DNAH12: variants seen among roughly 807,000 people sequenced by gnomAD.
DNAH12 encodes axonemal beta dynein heavy chain 12.
A neutral mutation model predicts 371.5 loss-of-function variants in DNAH12; 285 were observed. That is an observed-to-expected ratio of 0.77 (90% CI 0.70 to 0.85). DNAH12 has a LOEUF of 0.85. Ranked by LOEUF, DNAH12 falls within the 40% of genes least tolerant of loss-of-function variation. The pLI, the probability that DNAH12 is intolerant of heterozygous loss-of-function variation, is 0.00. For synonymous variants in DNAH12, 1,200 were observed against 1,213.0 expected (o/e 0.99, Z 0.22); for missense variants, 3,611 against 3,689.4 (o/e 0.98, Z 0.55).
chr3:57,518,673 A>G (rs1363800384), intron 4 of DNAH12, among the ~76,000 whole-genome samples: 2 of 152,210 alleles, frequency 1.3e-5, no homozygotes, highest in African/African-American at 4.8e-5. Context: ...AACTAAGCAT[A>G]TGGGAGGGAG....
At chr3:57,308,072 G>A (rs1330077362) in intron 69 of DNAH12, among the ~76,000 whole-genome samples, 2 of 152,086 alleles carry the variant, frequency 1.3e-5, no homozygotes, top group East Asian at 1.9e-4. Flanking sequence ...TCAAGCTCAG[G>A]GATTTGCCCC....
At chr3:57,429,412 G>C (rs574371198) in intron 33 of DNAH12, among the ~76,000 whole-genome samples, 23 of 152,242 alleles carry the variant, frequency 1.5e-4, no homozygotes, top group Non-Finnish European at 3.1e-4. Context: ...CCCACCTCAG[G>C]TGATCTGCCC....
At chr3:57,324,999 G>A (rs540534760) in intron 62 of DNAH12, among the ~76,000 whole-genome samples, 6 of 152,220 alleles carry the variant, frequency 3.9e-5, no homozygotes, top group Non-Finnish European at 8.8e-5. Flanking sequence ...AAACTGCAAG[G>A]CGGCAGCGAG....
intron 65 of DNAH12, among the ~76,000 whole-genome samples, chr3:57,317,618 T>G (rs2061714060): frequency 6.6e-6 from 1 of 152,186 alleles, no homozygotes; most frequent in Admixed American, 6.5e-5. Flanking sequence ...CTGGCTATTG[T>G]GAATGGTGCT....
chr3:57,494,519 A>C (rs142106511), intron 11 of DNAH12, among the ~76,000 whole-genome samples: 175 of 152,202 alleles, frequency 1.1e-3, no homozygotes, highest in African/African-American at 3.9e-3. Context: ...CTGAGATCAT[A>C]CCACTGTACT....
intron 60 of DNAH12, among the ~76,000 whole-genome samples, chr3:57,342,651 C>CAAAAAAAAAAA (rs71088061): frequency 8.6e-5 from 3 of 35,068 alleles, no homozygotes; most frequent in Non-Finnish European, 1.4e-4. Context: ...GACTGAGACT[C>CAAAAAAAAAAA]AAAAAAAAAA....
chr3:57,398,521 A>G (rs1472825767), intron 43 of DNAH12, among the ~76,000 whole-genome samples: 1 of 152,226 alleles, frequency 6.6e-6, no homozygotes, highest in Non-Finnish European at 1.5e-5. Flanking sequence ...CAAAAGTCAG[A>G]TACAAAGAGA....
At chr3:57,539,201 G>A (rs1198924064) in intron 2 of DNAH12, among the ~76,000 whole-genome samples, 2 of 152,214 alleles carry the variant, frequency 1.3e-5, no homozygotes, top group Non-Finnish European at 2.9e-5. Flanking sequence ...AATAGCCAGA[G>A]TGATATCTTT....
At chr3:57,337,092 G>A (rs1345572132) in intron 60 of DNAH12, among the ~76,000 whole-genome samples, 5 of 152,090 alleles carry the variant, frequency 3.3e-5, no homozygotes, top group Admixed American at 3.3e-4. Flanking sequence ...AAGGAAGTAG[G>A]AGTAGCTATA....
At chr3:57,379,873 A>G (rs1559600828) in intron 51 of DNAH12, among the ~76,000 whole-genome samples, 3 of 148,200 alleles carry the variant, frequency 2.0e-5, no homozygotes, top group Non-Finnish European at 1.5e-5. Flanking sequence ...AAAAAAAGAC[A>G]TAAGTTGAGA....
chr3:57,376,201 G>C (rs1167148967), intron 53 of DNAH12, among the ~76,000 whole-genome samples: 1 of 150,830 alleles, frequency 6.6e-6, no homozygotes, highest in Non-Finnish European at 1.5e-5. Flanking sequence ...TTTCTTGCAG[G>C]ACTTGGCCCT....
At chr3:57,299,665 T>C (rs2107648758) in intron 70 of DNAH12, among the ~76,000 whole-genome samples, 1 of 152,268 alleles carries the variant, frequency 6.6e-6, no homozygotes, top group South Asian at 2.1e-4. Flanking sequence ...GCCCTCATGA[T>C]AGGATTAGCA....
chr3:57,392,843 C>T (rs1029418691), intron 44 of DNAH12, among the ~76,000 whole-genome samples: 5 of 151,870 alleles, frequency 3.3e-5, no homozygotes, highest in Non-Finnish European at 7.3e-5. Context: ...CCTAGCAAAG[C>T]TTAGGAAATT....
At position 57,444,498 on chromosome 3, in the gene DNAH12, C is replaced by A. The variant is rs2065412002; in HGVS notation, c.4545+199G>T. On this transcript the variant is annotated intron_variant, in intron 29 of 73. Coordinates refer to ENST00000495027, the MANE Select transcript of DNAH12 (RefSeq NM_001366028.2). ...GAAACACCGTGCCTGGCCTGTTTAA[C>A]CTGAATCTTGACAGGTTAACCCTGG... Among the ~76,000 whole-genome samples, 5 of 152,188 alleles carry A rather than the reference C, an allele frequency of 3.3e-5. No homozygotes were observed. In the South Asian group the frequency reaches 1.0e-3, roughly 32 times the overall value.
At position 57,439,829 on chromosome 3, in the gene DNAH12, A is replaced by G. The variant is rs1007960788; in HGVS notation, c.4546-2769T>C. 2.9e-5 allele frequency among the ~76,000 whole-genome samples: 4 copies of G among 139,698 alleles called. No homozygotes were observed. In the East Asian group the frequency reaches 8.2e-4, roughly 28 times the overall value. The allele number at this position is 139,698 out of a possible 152,430, so 91.6% of individuals were successfully genotyped here. A position where few individuals can be genotyped will look rare whatever the true frequency, so the allele number is the denominator to read the frequency against. ...TATCCAGAATTGATAAGGAACTTAA[A>G]CAATTGAACAGGAAAAAAAAACATT... On this transcript the variant is annotated intron_variant, in intron 29 of 73. Transcript: ENST00000495027.
At chr3:57,552,517 T>A in the DNAH12 span, among the ~76,000 whole-genome samples, 1 of 151,986 alleles carries the variant, frequency 6.6e-6, no homozygotes, top group African/African-American at 2.4e-5. Context: ...CTGTATTTCA[T>A]TTGCTTATGG....
chr3:57,448,505 G>A (rs772989918), intron 25 of DNAH12, among the ~76,000 whole-genome samples: 8 of 150,964 alleles, frequency 5.3e-5, no homozygotes, highest in African/African-American at 1.7e-4. Flanking sequence ...TGAAGCTGTA[G>A]GTCTTCGCAG....
In DNAH12 at chr3:57,389,820, GTGTATA is replaced by G. The variant is rs1199928200; in HGVS notation, c.7305+2046_7305+2051del. 2.3e-4 allele frequency among the ~76,000 whole-genome samples: 17 copies of G among 72,772 alleles called. 1 individual carries two copies. The highest frequency in any genetic ancestry group is 4.7e-4 in the South Asian group (1 of 2,126). The allele number at this position is 72,772 out of a possible 152,430, so 47.7% of individuals were successfully genotyped here. On this transcript the variant is annotated intron_variant, in intron 45 of 73. Coordinates refer to ENST00000495027, the MANE Select transcript of DNAH12 (RefSeq NM_001366028.2). ...CATATGTGTGTGTGTGTGTGTGTGTGTGTATATATATATATATATAATACTTTTTTT... is the reference window on the plus strand; with the variant it reads ...CATATGTGTGTGTGTGTGTGTGTGTGTATATATATATATAATACTTTTTTT...
At chr3:57,296,303 C>G in intron 72 of DNAH12, 41 bp downstream of exon 72, 1 of 1,422,094 alleles carries the variant, frequency 7.0e-7, no homozygotes, top group Non-Finnish European at 9.6e-7. Context: ...ATCTATGATT[C>G]AGCTACAAAT....
Sources: gnomAD v4.1 joint callset for allele counts (sites outside exome capture counted in the v4.1 genomes callset) on GRCh38, gnomAD v4.1.1 for gene constraint, MANE v1.5 for transcripts, NCBI Gene and HGNC (gene_info 2026-07-23, HGNC 2026-07-21) for gene names.